Variants in STK33 observed in about 807,000 individuals in gnomAD.
The protein encoded by STK33 is serine/threonine kinase 33, also known as serine/threonine-protein kinase 33.
In STK33, 52 loss-of-function variants were observed where a neutral mutation model predicts 58.0. That is an observed-to-expected ratio of 0.90 (90% confidence interval 0.72 to 1.13). The LOEUF (loss-of-function observed/expected upper bound fraction) is 1.13. Ranked by LOEUF, STK33 falls within the 50% of genes most tolerant of loss-of-function variation. The probability of loss-of-function intolerance (pLI) is 0.00; values close to 1 mark genes in which losing one functional copy is unlikely to be tolerated. For missense variants in STK33, 630 were observed against 604.2 expected (o/e 1.04, Z -0.45); for synonymous variants, 215 against 200.1 (o/e 1.07, Z -0.63).
intron 1 of STK33, among the ~76,000 whole-genome samples, chr11:8,527,067 G>A (rs1954105185): frequency 1.3e-5 from 2 of 151,152 alleles, no homozygotes. Context: ...CGCCTCCGGG[G>A]TTCATGCAAT....
intron 10 of STK33, 133 bp from the exon 11 acceptor site, chr11:8,453,039 T>C (rs1946471280): frequency 5.3e-6 from 4 of 761,362 alleles, no homozygotes; most frequent in South Asian, 1.7e-5. Context: ...AATTGAATCA[T>C]TAATAAAAAT....
At chr11:8,509,380 T>C in intron 1 of STK33, among the ~76,000 whole-genome samples, 1 of 152,202 alleles carries the variant, frequency 6.6e-6, no homozygotes, top group Non-Finnish European at 1.5e-5. Context: ...TCAAACATAA[T>C]ACTTGGGCCA....
intron 1 of STK33, among the ~76,000 whole-genome samples, chr11:8,515,319 C>T (rs1328492692): frequency 2.0e-5 from 3 of 152,146 alleles, no homozygotes; most frequent in Middle Eastern, 3.4e-3. Context: ...CTAGAAGAAA[C>T]AGAAAAATTC....
At chr11:8,445,486 T>G (rs756308090) in intron 11 of STK33, among the ~76,000 whole-genome samples, 1 of 152,250 alleles carries the variant, frequency 6.6e-6, no homozygotes, top group Non-Finnish European at 1.5e-5. Context: ...TTCCAGCTTT[T>G]GCCCATTCAG....
At chr11:8,353,328 C>T in the STK33 span, among the ~76,000 whole-genome samples, 1 of 152,204 alleles carries the variant, frequency 6.6e-6, no homozygotes, top group South Asian at 2.1e-4. Context: ...CTTGGCAAAG[C>T]CCTCCTTTGA....
chr11:8,574,632 C>T (rs771082667), intron 1 of STK33, among the ~76,000 whole-genome samples: 2 of 151,994 alleles, frequency 1.3e-5, no homozygotes, highest in Non-Finnish European at 2.9e-5. Flanking sequence ...ACCATGTTAC[C>T]AAAACCAAAC....
chr11:8,468,915 T>G (rs181882648), intron 6 of STK33, among the ~76,000 whole-genome samples: 1 of 152,206 alleles, frequency 6.6e-6, no homozygotes, highest in African/African-American at 2.4e-5. Flanking sequence ...TTAACTGCAA[T>G]AGCATTATGT....
chr11:8,540,344 G>A (rs1464649358), intron 1 of STK33, among the ~76,000 whole-genome samples: 3 of 151,884 alleles, frequency 2.0e-5, no homozygotes, highest in African/African-American at 7.3e-5. Flanking sequence ...AATTATCCAG[G>A]TATGGCGGGG....
At chr11:8,438,465 CT>C (rs1944342717) in intron 12 of STK33, among the ~76,000 whole-genome samples, 1 of 152,054 alleles carries the variant, frequency 6.6e-6, no homozygotes, top group African/African-American at 2.4e-5. Context: ...AATAAACCCC[CT>C]GGAGAAGGTA....
the STK33 span, among the ~76,000 whole-genome samples, chr11:8,339,014 C>A: frequency 1.3e-5 from 2 of 152,140 alleles, no homozygotes; most frequent in Non-Finnish European, 2.9e-5. Context: ...CTTTGCTGGT[C>A]ACAGCTGAAA....
the STK33 span, among the ~76,000 whole-genome samples, chr11:8,373,219 C>T: frequency 6.6e-6 from 1 of 151,882 alleles, no homozygotes; most frequent in Admixed American, 6.5e-5. Flanking sequence ...AAGGCTTAAG[C>T]TCAGAACCCA....
At chr11:8,434,197 G>A (rs955348464) in intron 14 of STK33, 4 of 173,590 alleles carry the variant, frequency 2.3e-5, no homozygotes, top group African/African-American at 5.1e-5. Context: ...GCAGTGAGCC[G>A]AGATTGTGTC....
chr11:8,581,813 T>C (rs10743079), intron 1 of STK33, among the ~76,000 whole-genome samples: 91,737 of 152,152 alleles, frequency 0.6, 27,976 homozygotes, highest in African/African-American at 0.66. Flanking sequence ...GCGGTTTGCA[T>C]TTAATGCTTT....
intron 1 of STK33, among the ~76,000 whole-genome samples, chr11:8,491,468 T>C (rs563699501): frequency 1.5e-4 from 23 of 152,284 alleles, no homozygotes; most frequent in African/African-American, 5.1e-4. Flanking sequence ...CTACGTTTGA[T>C]TGGTGAAACT....
At chr11:8,349,859 C>T in the STK33 span, among the ~76,000 whole-genome samples, 1 of 152,234 alleles carries the variant, frequency 6.6e-6, no homozygotes, top group Non-Finnish European at 1.5e-5. Context: ...TGTCCTTCAC[C>T]CACTCCTTAT....
rs116725941 is a variant in STK33 at position 8,587,510 on chromosome 11, C to T, written c.-466+6573G>A. 8.3e-3 allele frequency among the ~76,000 whole-genome samples: 1,257 copies of T among 151,460 alleles called. 13 individuals carry two copies. Among genetic ancestry groups the T allele is most frequent in the African/African-American group, 0.029 (1,191 of 41,238 alleles). ...CGAGGCACACCTCCCTATCATTCCA[C>T]TCCAAGAAAAGGAGTTCTGAACAAG... On this transcript the variant is annotated intron_variant, in intron 1 of 15. Transcript: ENST00000687296.
At chr11:8,419,402 T>C (rs10840038) in intron 14 of STK33, among the ~76,000 whole-genome samples, 79,196 of 151,630 alleles carry the variant, frequency 0.52, 21,338 homozygotes, top group South Asian at 0.65. Flanking sequence ...AGATGTGAGG[T>C]CTTATTTCTG....
At chr11:8,570,919 G>A (rs1448091276) in intron 1 of STK33, among the ~76,000 whole-genome samples, 2 of 152,102 alleles carry the variant, frequency 1.3e-5, no homozygotes, top group African/African-American at 4.8e-5. Flanking sequence ...GGACAGTTCT[G>A]CTTCTGATCA....
At chr11:8,419,362 T>G (rs1337025242) in intron 14 of STK33, among the ~76,000 whole-genome samples, 1 of 152,192 alleles carries the variant, frequency 6.6e-6, no homozygotes, top group African/African-American at 2.4e-5. Context: ...TGCTTGGTTT[T>G]GTCAGCTTTG....
Sources: allele counts gnomAD v4.1 joint callset (sites outside exome capture counted in the v4.1 genomes callset), GRCh38; gene constraint gnomAD v4.1.1; transcripts MANE v1.5; gene names NCBI Gene and HGNC (gene_info 2026-07-23, HGNC 2026-07-21).